The following FA2H variants were observed in gnomAD, a reference collection of about 807,000 sequenced individuals.
The protein encoded by FA2H is fatty acid alpha-hydroxylase.
In FA2H, 22 loss-of-function variants were observed where a neutral mutation model predicts 44.9. The ratio of observed to expected loss-of-function variants is 0.49; its 90% CI spans 0.35 to 0.70. The LOEUF is 0.70. Ranked by LOEUF, FA2H falls within the 30% of genes least tolerant of loss-of-function variation. The pLI is 0.01. For synonymous variants in FA2H, 243 were observed against 213.2 expected, an observed-to-expected ratio of 1.14 and a Z score of -1.22; for missense variants, 501 against 504.9, an observed-to-expected ratio of 0.99 and a Z score of 0.07.
At chr16:74,714,758 C>A (rs1213931416) in intron 6 of FA2H, among the ~76,000 whole-genome samples, 1 of 152,050 alleles carries the variant, frequency 6.6e-6, no homozygotes, top group Non-Finnish European at 1.5e-5. Flanking sequence ...TCCAGAGAAA[C>A]TGAATTTCTA....
intron 4 of FA2H, among the ~76,000 whole-genome samples, chr16:74,723,745 C>CA (rs1961889471): frequency 6.6e-6 from 1 of 152,190 alleles, no homozygotes; most frequent in South Asian, 2.1e-4. Context: ...ATTGGATTTG[C>CA]AGACCTGGAT....
chr16:74,726,406 G>A, intron 3 of FA2H, 75 bp from the exon 4 acceptor site: 2 of 896,106 alleles, frequency 2.2e-6, no homozygotes, highest in Non-Finnish European at 3.5e-6. Context: ...TTTTTTTTTT[G>A]AGACGGAGTT....
intron 4 of FA2H, among the ~76,000 whole-genome samples, chr16:74,723,666 G>A (rs1029706567): frequency 1.3e-5 from 2 of 152,120 alleles, no homozygotes; most frequent in African/African-American, 4.8e-5. Context: ...GAGAGACCCT[G>A]CTTCCAGAGA....
At chr16:74,726,751 T>C (rs1285650962) in intron 3 of FA2H, among the ~76,000 whole-genome samples, 3 of 152,166 alleles carry the variant, frequency 2.0e-5, no homozygotes, top group Non-Finnish European at 2.9e-5. Context: ...CCAAAGCATA[T>C]GCAGAATGCC....
At chr16:74,760,200 C>T (rs1405154512) in intron 1 of FA2H, among the ~76,000 whole-genome samples, 1 of 152,158 alleles carries the variant, frequency 6.6e-6, no homozygotes, top group African/African-American at 2.4e-5. Context: ...AGCCACACAC[C>T]AGTGACCTCC....
At chr16:74,721,049 A>T (rs1961824839) in intron 4 of FA2H, among the ~76,000 whole-genome samples, 1 of 152,198 alleles carries the variant, frequency 6.6e-6, no homozygotes, top group African/African-American at 2.4e-5. Flanking sequence ...TCAGTGTGAA[A>T]AGATGTTGTC....
At position 74,757,896 on chromosome 16, in the gene FA2H, G is replaced by A. The variant is rs183845951; in HGVS notation, c.270+16590C>T. Among the ~76,000 whole-genome samples, 379 of 152,218 alleles carry A rather than the reference G, an allele frequency of 2.5e-3. 2 individuals are homozygous for A. Among genetic ancestry groups the A allele is most frequent in the African/African-American group, 8.5e-3 (352 of 41,530 alleles). ...TAGCTGGGAGTGGTGGCTTGTGCCTGTAGTCCCAGCTATTTGGGAGGCTAA... is the reference window on the plus strand; with the variant it reads ...TAGCTGGGAGTGGTGGCTTGTGCCTATAGTCCCAGCTATTTGGGAGGCTAA... On this transcript the variant is annotated intron_variant, in intron 1 of 6. Coordinates refer to ENST00000219368, the MANE Select transcript of FA2H (RefSeq NM_024306.5).
chr16:74,756,895 A>AAC (rs10634120), intron 1 of FA2H, among the ~76,000 whole-genome samples: 148,500 of 151,764 alleles, frequency 0.98, 72,623 homozygotes, highest in Middle Eastern at 1. Context: ...AGCAAAAACA[A>AAC]ACACAAGAAA....
intron 2 of FA2H, among the ~76,000 whole-genome samples, chr16:74,730,246 A>G (rs1387995186): frequency 6.6e-6 from 1 of 151,964 alleles, no homozygotes; most frequent in Non-Finnish European, 1.5e-5. Flanking sequence ...GGCCCAAAGG[A>G]AGCTGTGGCT....
At chr16:74,720,996 G>A (rs1250445127) in intron 4 of FA2H, among the ~76,000 whole-genome samples, 1 of 152,170 alleles carries the variant, frequency 6.6e-6, no homozygotes, top group East Asian at 1.9e-4. Flanking sequence ...TGTAGCTCTT[G>A]GCTATTGTGA....
At chr16:74,733,056 C>G (rs1962104706) in intron 2 of FA2H, among the ~76,000 whole-genome samples, 1 of 152,244 alleles carries the variant, frequency 6.6e-6, no homozygotes, top group Non-Finnish European at 1.5e-5. Flanking sequence ...CCCAAGCTGC[C>G]TCTTGCCTGT....
At position 74,774,634 on chromosome 16, in the gene FA2H, C is replaced by G; in HGVS notation, c.122G>C (p.Arg41Pro). The G allele has an allele frequency of 2.0e-6, 3 of 1,513,282 alleles. No individual in the cohort carries two copies. The highest frequency in any genetic ancestry group is 2.5e-5 in the South Asian group (2 of 80,964). 93.7% of individuals were successfully genotyped at this position (1,513,282 alleles called of 1,614,324 possible). Residue 41 changes from arginine to proline, a missense_variant, in exon 1 of 7, where the codon CGG (arginine) becomes CCG (proline). Transcript: ENST00000219368. ...CAGCTGCTCGCCCCCCGGGTGGTGC[C>G]GCACGAAGCTGGAGAGGTCGTAGAG... ...ARLYDLSSFV[R>P]HHPGGEQLLR...
chr16:74,746,104 A>G (rs1034946346), intron 1 of FA2H, among the ~76,000 whole-genome samples: 1 of 151,342 alleles, frequency 6.6e-6, no homozygotes, highest in Non-Finnish European at 1.5e-5. Flanking sequence ...CTGGCCTGTC[A>G]CTGCATCTTC....
chr16:74,744,794 C>A (rs1469379410), intron 1 of FA2H, among the ~76,000 whole-genome samples: 1 of 152,128 alleles, frequency 6.6e-6, no homozygotes, highest in Non-Finnish European at 1.5e-5. Flanking sequence ...CTATGTTGCC[C>A]AGGCTGGTCT....
rs1962260411 is a variant in FA2H, at chr16:74,740,044, G to A, written c.342C>T (p.Phe114=). ...QKTDPAMEPR[F]KVVDWDKDLV... is the part of the protein sequence containing the mutation. ...GTACCTTGTCCCAATCCACCACTTT[G>A]AACCGTGGTTCCATAGCAGGATCTG... The change falls in exon 2 of 7, where the codon TTC becomes TTT. Residue 114 remains phenylalanine (F), a synonymous_variant. Coordinates refer to ENST00000219368, the MANE Select transcript of FA2H (RefSeq NM_024306.5). The A allele has an allele frequency of 3.7e-6, 6 of 1,613,610 alleles. No individual in the cohort carries two copies. In the Middle Eastern group the frequency reaches 4.9e-4, roughly 133 times the overall value.
intron 1 of FA2H, among the ~76,000 whole-genome samples, chr16:74,768,374 C>A (rs900977965): frequency 3.9e-5 from 6 of 152,120 alleles, no homozygotes; most frequent in African/African-American, 1.4e-4. Flanking sequence ...TGACCTGGGC[C>A]CTGGATGCCC....
At chr16:74,757,559 G>T (rs967947905) in intron 1 of FA2H, among the ~76,000 whole-genome samples, 2 of 152,118 alleles carry the variant, frequency 1.3e-5, no homozygotes, top group Non-Finnish European at 2.9e-5. Context: ...TGACACTGAC[G>T]TAATAGATAA....
intron 1 of FA2H, among the ~76,000 whole-genome samples, chr16:74,750,014 T>C (rs1722152242): frequency 6.6e-6 from 1 of 152,206 alleles, no homozygotes; most frequent in Admixed American, 6.5e-5. Context: ...GGGTCTTTCC[T>C]TACAAAATCC....
chr16:74,746,112 T>C (rs1212361377), intron 1 of FA2H, among the ~76,000 whole-genome samples: 3 of 151,820 alleles, frequency 2.0e-5, no homozygotes, highest in Non-Finnish European at 4.4e-5. Flanking sequence ...TCACTGCATC[T>C]TCGTATCAAG....
Sources: gnomAD v4.1 joint callset for allele counts (sites outside exome capture counted in the v4.1 genomes callset) on GRCh38, gnomAD v4.1.1 for gene constraint, MANE v1.5 for transcripts, NCBI Gene and HGNC (gene_info 2026-07-23, HGNC 2026-07-21) for gene names.